The following FER1L6 variants were observed in gnomAD, a reference collection of about 807,000 sequenced individuals.
FER1L6 encodes fer-1 like family member 6.
FER1L6 carries 177 observed loss-of-function variants against 219.2 expected under a neutral mutation model. The ratio of observed to expected loss-of-function variants is 0.81; its 90% confidence interval spans 0.71 to 0.91. The LOEUF is 0.91. Ranked by LOEUF, FER1L6 falls within the 40% of genes least tolerant of loss-of-function variation. FER1L6 has a pLI of 0.00. For synonymous variants in FER1L6, 768 were observed against 824.3 expected, an observed-to-expected ratio of 0.93 and a Z score of 1.17; for missense variants, 2,153 against 2,259.9, an observed-to-expected ratio of 0.95 and a Z score of 0.96.
At chr8:123,943,786 G>A (rs1484588790) in intron 1 of FER1L6, among the ~76,000 whole-genome samples, 1 of 151,980 alleles carries the variant, frequency 6.6e-6, no homozygotes. Context: ...CTTGTCCTTA[G>A]AAACCTGGGC....
Position 123,902,268 on chromosome 8 carries a change from G to C in FER1L6, c.-8+50083G>C, listed in dbSNP as rs577784806. 3.9e-4 allele frequency among the ~76,000 whole-genome samples: 60 copies of C among 152,278 alleles called. 3 individuals carry two copies. The South Asian group carries it at 0.012, about 31-fold the overall frequency. On this transcript the variant is annotated intron_variant, in intron 1 of 40. Transcript: ENST00000522917. ...AGAAAGTTCCATGTGCTGTTGAATA[G>C]AATGTGTATTCTGGGGTTGTTAGAT...
At chr8:123,967,186 T>C (rs1290544520) in intron 5 of FER1L6, among the ~76,000 whole-genome samples, 2 of 152,056 alleles carry the variant, frequency 1.3e-5, no homozygotes, top group Non-Finnish European at 2.9e-5. Context: ...TGATCCCCAA[T>C]GCCCTAGTCC....
chr8:124,117,875 A>G (rs1363608377), intron 39 of FER1L6, among the ~76,000 whole-genome samples: 2 of 152,148 alleles, frequency 1.3e-5, no homozygotes, highest in Non-Finnish European at 2.9e-5. Context: ...GAAATCAATC[A>G]TACCTCCGAA....
chr8:123,926,035 G>T (rs1432576181), intron 1 of FER1L6: 3 of 152,222 alleles, frequency 2.0e-5, no homozygotes, highest in African/African-American at 7.2e-5. Context: ...AGGCGTTAAA[G>T]TTCTCACTGA....
intron 21 of FER1L6, among the ~76,000 whole-genome samples, chr8:124,048,096 C>T (rs1586635993): frequency 1.3e-5 from 2 of 152,232 alleles, no homozygotes; most frequent in Non-Finnish European, 2.9e-5. Context: ...CAAAACAGGT[C>T]TGTCTCCACT....
intron 1 of FER1L6, among the ~76,000 whole-genome samples, chr8:123,885,858 C>A (rs1279902866): frequency 6.6e-6 from 1 of 152,190 alleles, no homozygotes; most frequent in Non-Finnish European, 1.5e-5. Flanking sequence ...TGGAGCCATG[C>A]TACTTCTCCA....
chr8:123,903,836 G>A (rs932932789), intron 1 of FER1L6, among the ~76,000 whole-genome samples: 3 of 152,298 alleles, frequency 2.0e-5, no homozygotes, highest in African/African-American at 7.2e-5. Flanking sequence ...ACAAAAGGAA[G>A]CAAGACAAGG....
At position 124,013,237 on chromosome 8, in the gene FER1L6, C is replaced by T. The variant is rs140911597; in HGVS notation, c.1822-194C>T. ...AAGACTTGTATGTGGACCAATTCCA[C>T]TTACTAAAAGAAAAGTTCAAAGTTA... is the stretch of plus-strand genomic sequence containing the variant. On this transcript the variant is annotated intron_variant, in intron 14 of 40. Transcript: ENST00000522917. 1.1e-4 allele frequency among the ~76,000 whole-genome samples: 17 copies of T among 152,192 alleles called. No homozygotes were observed. In the East Asian group the frequency reaches 3.3e-3, roughly 29 times the overall value.
chr8:124,114,140 T>C (rs1163299373), intron 39 of FER1L6, among the ~76,000 whole-genome samples: 1 of 152,138 alleles, frequency 6.6e-6, no homozygotes, highest in East Asian at 1.9e-4. Flanking sequence ...CTACTATCAT[T>C]TTTTCTCCAT....
intron 14 of FER1L6, among the ~76,000 whole-genome samples, chr8:124,012,780 A>T (rs1160109773): frequency 6.6e-6 from 1 of 152,234 alleles, no homozygotes; most frequent in East Asian, 1.9e-4. Context: ...ACTTTGGGAT[A>T]TGGTAGAGAA....
intron 1 of FER1L6, among the ~76,000 whole-genome samples, chr8:123,932,860 A>T (rs78238765): frequency 4.2e-4 from 64 of 152,342 alleles, no homozygotes; most frequent in Non-Finnish European, 8.2e-4. Flanking sequence ...GAGTTTACAG[A>T]CAAAAACAAA....
chr8:124,044,618 G>T (rs905252253), intron 20 of FER1L6, among the ~76,000 whole-genome samples: 1 of 152,094 alleles, frequency 6.6e-6, no homozygotes, highest in Non-Finnish European at 1.5e-5. Flanking sequence ...ACTTCCCCTG[G>T]ACCCAGCAGC....
chr8:123,990,897 C>T lies in FER1L6; in HGVS notation c.1519+4721C>T, dbSNP rs370636243. 3.8e-4 allele frequency among the ~76,000 whole-genome samples: 58 copies of T among 151,476 alleles called. 1 individual carries two copies. The South Asian group carries it at 8.1e-3, about 21-fold the overall frequency. On this transcript the variant is annotated intron_variant, in intron 12 of 40. Coordinates refer to ENST00000522917, the MANE Select transcript of FER1L6 (RefSeq NM_001039112.2). ...TCCATCTTGAGTTGATTTTTGTATA[C>T]GATACAGATCCAGTTTTATTCTTCT...
At chr8:124,079,088 A>G (rs545201109) in intron 32 of FER1L6, among the ~76,000 whole-genome samples, 99 of 152,092 alleles carry the variant, frequency 6.5e-4, no homozygotes, top group African/African-American at 2.2e-3. Flanking sequence ...TCATCTCCAC[A>G]TGGCCTGCTC....
chr8:123,914,431 CTT>C (rs1267428072), intron 1 of FER1L6, among the ~76,000 whole-genome samples: 1 of 152,186 alleles, frequency 6.6e-6, no homozygotes, highest in African/African-American at 2.4e-5. Context: ...TTGATCCACT[CTT>C]TGTGGGACAG....
At position 123,980,511 on chromosome 8, in the gene FER1L6, G is replaced by A. The variant is rs769832760; in HGVS notation, c.1110G>A (p.Ser370=). ...FGPAWINLYG[S]PRNHSLMDDY... ...CTGCCTGGATTAACCTGTATGGCTC[G>A]CCCAGGAACCACAGTCTGATGGATG... Residue 370 remains serine (S), a synonymous_variant, in exon 11 of 41, where the codon TCG becomes TCA. Coordinates refer to ENST00000522917, the MANE Select transcript of FER1L6 (RefSeq NM_001039112.2). 6.0e-5 allele frequency: 97 copies of A among 1,613,154 alleles called. No homozygotes were observed. Among genetic ancestry groups the A allele is most frequent in the African/African-American group, 1.5e-4 (11 of 74,876 alleles).
chr8:124,010,100 C>T (rs1053021955), intron 13 of FER1L6, among the ~76,000 whole-genome samples: 15 of 151,478 alleles, frequency 9.9e-5, no homozygotes, highest in South Asian at 2.1e-4. Context: ...GCTGGCAACC[C>T]GTGGAGGAGA....
At chr8:124,024,729 G>C (rs904152986) in intron 18 of FER1L6, among the ~76,000 whole-genome samples, 1 of 152,142 alleles carries the variant, frequency 6.6e-6, no homozygotes, top group Admixed American at 6.5e-5. Context: ...GTGGGTAGTG[G>C]GATTGCTGGG....
At chr8:124,119,035 C>G (rs1251664901) in intron 40 of FER1L6, 91 bp downstream of exon 40, 2 of 1,068,158 alleles carry the variant, frequency 1.9e-6, no homozygotes, top group East Asian at 2.5e-5. Context: ...TTTAGAGCAG[C>G]CCTGTGGGAG....
Sources: allele counts gnomAD v4.1 joint callset (sites outside exome capture counted in the v4.1 genomes callset), GRCh38; gene constraint gnomAD v4.1.1; transcripts MANE v1.5; gene names NCBI Gene and HGNC (gene_info 2026-07-23, HGNC 2026-07-21).